Variants in SLC12A8 observed in about 807,000 individuals in gnomAD.
SLC12A8 encodes the protein solute carrier family 12 member 8.
In SLC12A8, 69 loss-of-function variants were observed where a neutral mutation model predicts 75.6. The ratio of observed to expected loss-of-function variants is 0.91; its 90% CI spans 0.75 to 1.11. SLC12A8 has a LOEUF of 1.11. SLC12A8 is among the 50% of genes most tolerant of loss of function. The pLI is 0.00. For missense variants in SLC12A8, 877 were observed against 896.7 expected (o/e 0.98, Z 0.28); for synonymous variants, 365 against 372.8 (o/e 0.98, Z 0.24).
chr3:125,093,896 GT>G (rs1938646289), intron 10 of SLC12A8, among the ~76,000 whole-genome samples: 1 of 152,050 alleles, frequency 6.6e-6, no homozygotes, highest in Non-Finnish European at 1.5e-5. Context: ...TTACCAACTT[GT>G]CATTCTTCTC....
At chr3:125,181,916 G>A (rs1284746661) in intron 4 of SLC12A8, among the ~76,000 whole-genome samples, 1 of 152,180 alleles carries the variant, frequency 6.6e-6, no homozygotes, top group Non-Finnish European at 1.5e-5. Context: ...GCCAGGCCCA[G>A]TGGCTCATGC....
intron 2 of SLC12A8, among the ~76,000 whole-genome samples, chr3:125,197,725 T>C (rs540436425): frequency 6.6e-6 from 1 of 152,310 alleles, no homozygotes; most frequent in South Asian, 2.1e-4. Context: ...CTGTCAAGGG[T>C]ATCACTCCTG....
At position 125,211,289 on chromosome 3, in the gene SLC12A8, C is replaced by T. The variant is rs1935332561; in HGVS notation, c.51+10G>A. ...CCTCCATCACAGACCCTGGCACATC[C>T]TGAGCCTACCTGCTGGGCTGCCTCA... On this transcript the variant is annotated intron_variant, in intron 2 of 13. Coordinates refer to ENST00000469902, the MANE Select transcript of SLC12A8 (RefSeq NM_024628.6). 2 of 1,612,812 alleles carry T rather than the reference C, an allele frequency of 1.2e-6. No homozygotes were observed. Among genetic ancestry groups the T allele is most frequent in the African/African-American group, 2.7e-5 (2 of 75,042 alleles).
intron 10 of SLC12A8, among the ~76,000 whole-genome samples, chr3:125,105,224 G>A (rs1408827629): frequency 6.6e-6 from 1 of 151,574 alleles, no homozygotes; most frequent in Non-Finnish European, 1.5e-5. Context: ...GAGGGGGGAT[G>A]GAGGGATGGG....
intron 5 of SLC12A8, among the ~76,000 whole-genome samples, chr3:125,147,418 G>A (rs1307702728): frequency 6.6e-6 from 1 of 152,182 alleles, no homozygotes; most frequent in Non-Finnish European, 1.5e-5. Context: ...AAAACCAGAA[G>A]TGGCCCCTTC....
chr3:125,134,048 T>C (rs1467185427), intron 6 of SLC12A8, among the ~76,000 whole-genome samples: 1 of 152,202 alleles, frequency 6.6e-6, no homozygotes, highest in Non-Finnish European at 1.5e-5. Context: ...GTCTGACTTA[T>C]TTTACTCAGC....
intron 5 of SLC12A8, among the ~76,000 whole-genome samples, chr3:125,154,246 T>C (rs533925): frequency 0.6 from 90,547 of 152,030 alleles, 27,476 homozygotes; most frequent in South Asian, 0.68. Flanking sequence ...TGCCATGCCC[T>C]ACATGGGACT....
Position 125,211,344 on chromosome 3 carries a change from G to T in SLC12A8, c.6C>A (p.Thr2=). 6.2e-7 allele frequency: 1 copy of T among 1,613,698 alleles called. No individual in the cohort carries two copies. The highest frequency in any genetic ancestry group is 2.2e-5 in the East Asian group (1 of 44,886). Residue 2 remains threonine (T), a synonymous_variant, in exon 2 of 14, where the codon ACC becomes ACA. Coordinates refer to ENST00000469902, the MANE Select transcript of SLC12A8 (RefSeq NM_024628.6). M[T]QMSQVQELFH... is the part of the protein sequence containing the mutation. ...AGAGCTCCTGCACCTGGGACATCTG[G>T]GTCATTCTCCAGCAAGCAGGGATCC...
At chr3:125,187,855 C>T (rs563357574) in intron 3 of SLC12A8, among the ~76,000 whole-genome samples, 99 of 151,290 alleles carry the variant, frequency 6.5e-4, no homozygotes, top group African/African-American at 2.3e-3. Flanking sequence ...TAGGCCTCAA[C>T]GTTTAGGATT....
chr3:125,109,915 C>A lies in SLC12A8; in HGVS notation c.1059+274G>T, dbSNP rs528593133. ...CTGCATTTTCATGCTGCTCAGGGTC[C>A]AAGATGGTACTAGGACTGGTTAGCT... On this transcript the variant is annotated intron_variant, in intron 9 of 13. Coordinates refer to ENST00000469902, the MANE Select transcript of SLC12A8 (RefSeq NM_024628.6). 1.0e-3 allele frequency among the ~76,000 whole-genome samples: 159 copies of A among 152,194 alleles called. 1 individual carries two copies. The highest frequency in any genetic ancestry group is 3.7e-3 in the African/African-American group (153 of 41,506).
At chr3:125,209,193 C>A (rs1250699991) in intron 2 of SLC12A8, among the ~76,000 whole-genome samples, 1 of 152,146 alleles carries the variant, frequency 6.6e-6, no homozygotes, top group Non-Finnish European at 1.5e-5. Context: ...ACGCAGAGGT[C>A]CTTAATTTGC....
At chr3:125,128,478 CCT>C (rs554316533) in intron 6 of SLC12A8, among the ~76,000 whole-genome samples, 16,808 of 120,830 alleles carry the variant, frequency 0.14, 1,233 homozygotes, top group Admixed American at 0.19. Context: ...CCGCGCCCGG[CCT>C]TTTTTTTTTT....
At chr3:125,195,046 G>A (rs1462152468) in intron 2 of SLC12A8, among the ~76,000 whole-genome samples, 1 of 152,232 alleles carries the variant, frequency 6.6e-6, no homozygotes, top group African/African-American at 2.4e-5. Flanking sequence ...CCTGCCTCAG[G>A]GGGGTTTTGT....
intron 2 of SLC12A8, among the ~76,000 whole-genome samples, chr3:125,199,926 T>A (rs1935088433): frequency 6.6e-6 from 1 of 152,046 alleles, no homozygotes; most frequent in African/African-American, 2.4e-5. Context: ...ATTTTTCATA[T>A]GGGAAACAGG....
intron 5 of SLC12A8, among the ~76,000 whole-genome samples, chr3:125,152,047 C>T (rs1031661073): frequency 6.6e-6 from 1 of 152,176 alleles, no homozygotes; most frequent in Non-Finnish European, 1.5e-5. Flanking sequence ...ATCCAGGTTC[C>T]AGTATTTCTT....
intron 13 of SLC12A8, among the ~76,000 whole-genome samples, chr3:125,085,128 G>T (rs1292776164): frequency 1.3e-5 from 2 of 152,154 alleles, no homozygotes; most frequent in Non-Finnish European, 2.9e-5. Flanking sequence ...AGGTCTCTGA[G>T]GGTTCTTGAG....
chr3:125,168,560 C>CG (rs1934342113), intron 5 of SLC12A8, among the ~76,000 whole-genome samples: 1 of 152,152 alleles, frequency 6.6e-6, no homozygotes, highest in Admixed American at 6.5e-5. Context: ...GACTGAGCCC[C>CG]GTGGCCTCCC....
intron 12 of SLC12A8, 26 bp downstream of exon 12, chr3:125,091,413 A>C (rs1319626128): frequency 6.1e-6 from 9 of 1,477,672 alleles, no homozygotes; most frequent in Non-Finnish European, 8.5e-6. Flanking sequence ...TGAGGGAACC[A>C]GTGGCAAAAT....
intron 8 of SLC12A8, among the ~76,000 whole-genome samples, chr3:125,111,541 T>C (rs1939186866): frequency 6.6e-6 from 1 of 152,226 alleles, no homozygotes; most frequent in African/African-American, 2.4e-5. Context: ...TGGCCAGAAC[T>C]GTACATTCCA....
Sources: allele counts gnomAD v4.1 joint callset (sites outside exome capture counted in the v4.1 genomes callset), GRCh38; gene constraint gnomAD v4.1.1; transcripts MANE v1.5; gene names NCBI Gene and HGNC (gene_info 2026-07-23, HGNC 2026-07-21).